DTWD2: variants seen among roughly 807,000 people sequenced by gnomAD.
DTWD2 encodes the protein tRNA-uridine aminocarboxypropyltransferase 2.
A neutral mutation model predicts 31.8 loss-of-function variants in DTWD2; 39 were observed. The observed-to-expected ratio is 1.22, with a 90% CI of 0.95 to 1.60. DTWD2 has a LOEUF of 1.60. DTWD2 is among the 40% of genes most tolerant of loss of function. The probability of loss-of-function intolerance (pLI) is 0.00; values close to 1 mark genes in which losing one functional copy is unlikely to be tolerated. For missense variants in DTWD2, 515 were observed against 381.5 expected (o/e 1.35, Z -2.92); for synonymous variants, 180 against 142.8 (o/e 1.26, Z -1.86).
intron 4 of DTWD2, among the ~76,000 whole-genome samples, chr5:118,927,176 C>A (rs1293622236): frequency 6.6e-6 from 1 of 151,122 alleles, no homozygotes; most frequent in Non-Finnish European, 1.5e-5. Context: ...GAGGGCTCTG[C>A]CTTCATAATC....
chr5:118,921,521 T>TA (rs533019780), intron 4 of DTWD2, among the ~76,000 whole-genome samples: 7,110 of 131,216 alleles, frequency 0.054, 204 homozygotes, highest in Middle Eastern at 0.074. Context: ...CCCCATCTCT[T>TA]AAAAAAAAAA....
chr5:118,901,388 C>T (rs1040946638), intron 4 of DTWD2, among the ~76,000 whole-genome samples: 31 of 152,136 alleles, frequency 2.0e-4, no homozygotes, highest in African/African-American at 7.0e-4. Flanking sequence ...TGAGAAAAAC[C>T]AGACAATACA....
chr5:118,883,752 C>T (rs1184973256), intron 4 of DTWD2, among the ~76,000 whole-genome samples: 7 of 152,146 alleles, frequency 4.6e-5, no homozygotes, highest in Non-Finnish European at 1.0e-4. Flanking sequence ...TCACCTCCCA[C>T]CAGGTCCCTC....
intron 4 of DTWD2, among the ~76,000 whole-genome samples, chr5:118,896,722 A>C (rs1271748582): frequency 6.6e-6 from 1 of 152,240 alleles, no homozygotes; most frequent in Non-Finnish European, 1.5e-5. Flanking sequence ...GAGCTATTTC[A>C]GAAGTATAAG....
At chr5:118,947,278 C>T (rs890014525) in intron 1 of DTWD2, among the ~76,000 whole-genome samples, 2 of 152,160 alleles carry the variant, frequency 1.3e-5, no homozygotes, top group Non-Finnish European at 2.9e-5. Context: ...ACACTGGTGG[C>T]ACCCAAGCTC....
intron 1 of DTWD2, among the ~76,000 whole-genome samples, chr5:118,965,976 A>G (rs1007529669): frequency 1.5e-4 from 22 of 145,820 alleles, no homozygotes; most frequent in African/African-American, 5.2e-4. Flanking sequence ...AAAGAAAAAG[A>G]AAAAAAAAAA....
At chr5:118,843,334 G>A (rs1751767182) in intron 5 of DTWD2, among the ~76,000 whole-genome samples, 1 of 146,702 alleles carries the variant, frequency 6.8e-6, no homozygotes, top group African/African-American at 2.7e-5. Flanking sequence ...AGGAAGCGAG[G>A]GAGGGAGGGA....
chr5:118,881,210 T>A (rs1335052626), intron 4 of DTWD2, among the ~76,000 whole-genome samples: 1 of 152,356 alleles, frequency 6.6e-6, no homozygotes, highest in African/African-American at 2.4e-5. Context: ...GTACCATTTT[T>A]AAAATATCTG....
chr5:118,944,536 T>C (rs751800534), intron 2 of DTWD2, 23 bp downstream of exon 2: 1 of 1,605,054 alleles, frequency 6.2e-7, no homozygotes, highest in Non-Finnish European at 8.5e-7. Context: ...CTATTTGAAA[T>C]CCTGTATTTT....
intron 4 of DTWD2, among the ~76,000 whole-genome samples, chr5:118,916,391 T>A (rs1753577681): frequency 1.3e-5 from 2 of 152,062 alleles, no homozygotes; most frequent in Admixed American, 1.3e-4. Context: ...TAAGGCCGGG[T>A]GCAGTGGCTC....
intron 3 of DTWD2, among the ~76,000 whole-genome samples, chr5:118,930,660 A>G (rs755498505): frequency 7.9e-5 from 12 of 152,238 alleles, no homozygotes; most frequent in Non-Finnish European, 1.6e-4. Flanking sequence ...AACCACAAAA[A>G]GAAATTAAGT....
chr5:118,975,155 G>A (rs1024750504), intron 1 of DTWD2, among the ~76,000 whole-genome samples: 10 of 152,244 alleles, frequency 6.6e-5, no homozygotes, highest in East Asian at 3.9e-4. Context: ...TCACTTTCAC[G>A]TACACCAATC....
At chr5:118,898,231 T>A (rs796400035) in intron 4 of DTWD2, among the ~76,000 whole-genome samples, 3 of 152,320 alleles carry the variant, frequency 2.0e-5, no homozygotes, top group African/African-American at 7.2e-5. Context: ...TAAACTTTGA[T>A]ACAATTTCAT....
At chr5:118,874,463 A>C (rs546768235) in intron 4 of DTWD2, among the ~76,000 whole-genome samples, 1 of 152,332 alleles carries the variant, frequency 6.6e-6, no homozygotes, top group African/African-American at 2.4e-5. Flanking sequence ...AAAAATCATC[A>C]TAACACAATG....
Position 118,963,315 on chromosome 5 carries a change from T to A in DTWD2, c.219-18666A>T, listed in dbSNP as rs943701175. 2.6e-5 allele frequency among the ~76,000 whole-genome samples: 4 copies of A among 152,290 alleles called. 1 individual carries two copies. Among genetic ancestry groups the A allele is most frequent in the Admixed American group, 6.5e-5 (1 of 15,292 alleles). Reference sequence around the variant, plus strand: ...AGCTGGACCTTGAAATAGAGTATGATTGCAGAAAGCACAGATGAGGGAGGA... The same window carrying A: ...AGCTGGACCTTGAAATAGAGTATGAATGCAGAAAGCACAGATGAGGGAGGA... On this transcript the variant is annotated intron_variant, in intron 1 of 5. Transcript: ENST00000510708.
intron 1 of DTWD2, among the ~76,000 whole-genome samples, chr5:118,962,402 A>T (rs943924684): frequency 2.0e-5 from 3 of 152,168 alleles, no homozygotes; most frequent in Non-Finnish European, 2.9e-5. Context: ...ACCTATATAC[A>T]GCTAAGAATT....
At chr5:118,899,799 CTTTT>C (rs1163738328) in intron 4 of DTWD2, among the ~76,000 whole-genome samples, 1 of 124,904 alleles carries the variant, frequency 8.0e-6, no homozygotes, top group Non-Finnish European at 1.7e-5. Flanking sequence ...TTCGTTTTTT[CTTTT>C]TTTTTTTTTT....
At chr5:118,974,810 A>G (rs1233666857) in intron 1 of DTWD2, 10 of 254,768 alleles carry the variant, frequency 3.9e-5, no homozygotes, top group Non-Finnish European at 7.5e-5. Flanking sequence ...TTGTTCTAAC[A>G]AAAAAAAAAA....
chr5:118,946,944 T>C (rs796200892), intron 1 of DTWD2, among the ~76,000 whole-genome samples: 3 of 152,250 alleles, frequency 2.0e-5, no homozygotes, highest in African/African-American at 7.2e-5. Context: ...TTTTCACCAC[T>C]ATGGCCAAGC....
Sources: gnomAD v4.1 joint callset for allele counts (sites outside exome capture counted in the v4.1 genomes callset) on GRCh38, gnomAD v4.1.1 for gene constraint, MANE v1.5 for transcripts, NCBI Gene and HGNC (gene_info 2026-07-23, HGNC 2026-07-21) for gene names.